Variants in SLC24A3 observed in about 807,000 individuals in gnomAD.
SLC24A3 encodes solute carrier family 24 member 3, also known as sodium/potassium/calcium exchanger 3.
SLC24A3 carries 28 observed loss-of-function variants against 75.8 expected under a neutral mutation model. The ratio of observed to expected loss-of-function variants is 0.37; its 90% CI spans 0.27 to 0.51. The LOEUF (loss-of-function observed/expected upper bound fraction) is 0.51, where lower values mean the gene tolerates loss of function less well. Ranked by LOEUF, SLC24A3 falls within the 20% of genes least tolerant of loss-of-function variation. The probability of loss-of-function intolerance (pLI) is 0.94; values close to 1 mark genes in which losing one functional copy is unlikely to be tolerated. For missense variants in SLC24A3, 663 were observed against 847.8 expected (o/e 0.78, Z 2.71); for synonymous variants, 372 against 334.1 (o/e 1.11, Z -1.24).
At chr20:19,385,161 CTGTA>C (rs986909639) in intron 2 of SLC24A3, among the ~76,000 whole-genome samples, 1 of 152,110 alleles carries the variant, frequency 6.6e-6, no homozygotes, top group African/African-American at 2.4e-5. Flanking sequence ...TCCCATTTGT[CTGTA>C]TTTACTATTG....
At chr20:19,367,222 G>A (rs886402184) in intron 2 of SLC24A3, among the ~76,000 whole-genome samples, 1 of 152,356 alleles carries the variant, frequency 6.6e-6, no homozygotes, top group South Asian at 2.1e-4. Flanking sequence ...AAGTGGAGTT[G>A]CCTGAGCAAT....
intron 2 of SLC24A3, among the ~76,000 whole-genome samples, chr20:19,487,500 C>A (rs75878515): frequency 0.1 from 15,160 of 152,108 alleles, 810 homozygotes; most frequent in Admixed American, 0.1. Context: ...TAGCAAAATG[C>A]CTTTTGCCTG....
intron 1 of SLC24A3, among the ~76,000 whole-genome samples, chr20:19,226,365 A>T (rs1981870215): frequency 6.6e-6 from 1 of 152,124 alleles, no homozygotes; most frequent in Admixed American, 6.5e-5. Context: ...CAAGATACGG[A>T]CCTGTAATTT....
At chr20:19,710,937 C>T (rs2032980212) in intron 15 of SLC24A3, among the ~76,000 whole-genome samples, 4 of 152,234 alleles carry the variant, frequency 2.6e-5, no homozygotes, top group Admixed American at 2.0e-4. Flanking sequence ...TTGCGGAGAT[C>T]GGCTTAAAGC....
At chr20:19,719,456 A>C (rs1246798630) in intron 16 of SLC24A3, among the ~76,000 whole-genome samples, 1 of 152,048 alleles carries the variant, frequency 6.6e-6, no homozygotes, top group African/African-American at 2.4e-5. Context: ...GATCTGGGGC[A>C]TGCAGGGTGG....
At chr20:19,499,184 A>G (rs1410101144) in intron 2 of SLC24A3, among the ~76,000 whole-genome samples, 1 of 152,248 alleles carries the variant, frequency 6.6e-6, no homozygotes, top group Non-Finnish European at 1.5e-5. Flanking sequence ...TAACAATAAA[A>G]TGTTACAGTT....
chr20:19,577,992 T>TCC (rs2031165106), intron 3 of SLC24A3, among the ~76,000 whole-genome samples: 2 of 152,208 alleles, frequency 1.3e-5, no homozygotes, highest in Non-Finnish European at 2.9e-5. Context: ...CTTACGATCT[T>TCC]ATGGAAGAGA....
intron 2 of SLC24A3, among the ~76,000 whole-genome samples, chr20:19,312,386 T>C (rs978587368): frequency 2.0e-5 from 3 of 152,186 alleles, no homozygotes; most frequent in Non-Finnish European, 4.4e-5. Context: ...TATATTTATA[T>C]AGTTGATTTT....
chr20:19,685,043 G>T lies in SLC24A3; in HGVS notation c.1063-57G>T, dbSNP rs766334183. On this transcript the variant is annotated intron_variant, in intron 11 of 16. Transcript: ENST00000328041. Reference sequence around the variant, plus strand: ...AAGATCCCAACAGCTCATGTTCTGAGTGTAAGGTATTTGCAATCCCTCTGA... The same window carrying T: ...AAGATCCCAACAGCTCATGTTCTGATTGTAAGGTATTTGCAATCCCTCTGA... 7 of 1,539,682 alleles carry T rather than the reference G, an allele frequency of 4.5e-6. No individual in the cohort carries two copies. In the East Asian group the frequency reaches 1.4e-4, roughly 30 times the overall value.
At chr20:19,530,980 A>T (rs2030287213) in intron 3 of SLC24A3, among the ~76,000 whole-genome samples, 1 of 152,186 alleles carries the variant, frequency 6.6e-6, no homozygotes, top group Admixed American at 6.5e-5. Flanking sequence ...TATCATAAAT[A>T]AGAGCCATTG....
At chr20:19,601,693 C>T (rs1000293053) in intron 6 of SLC24A3, among the ~76,000 whole-genome samples, 15 of 152,114 alleles carry the variant, frequency 9.9e-5, no homozygotes, top group African/African-American at 2.4e-4. Flanking sequence ...TGCTACAAGC[C>T]GGGAATGTGA....
intron 2 of SLC24A3, among the ~76,000 whole-genome samples, chr20:19,346,892 TA>T (rs1477781803): frequency 1.3e-5 from 2 of 152,120 alleles, no homozygotes; most frequent in African/African-American, 4.8e-5. Context: ...GATCACTGTT[TA>T]AACACACAAA....
intron 8 of SLC24A3, among the ~76,000 whole-genome samples, chr20:19,666,371 T>C (rs2032399638): frequency 6.6e-6 from 1 of 151,970 alleles, no homozygotes; most frequent in South Asian, 2.1e-4. Flanking sequence ...CCGGGCATGG[T>C]GGTAGGCACC....
chr20:19,666,507 C>A (rs903991782), intron 8 of SLC24A3, among the ~76,000 whole-genome samples: 6 of 151,756 alleles, frequency 4.0e-5, no homozygotes, highest in African/African-American at 1.5e-4. Flanking sequence ...CTCCATCCCC[C>A]ACCCCCCAAA....
At chr20:19,619,691 ATT>A (rs1428378647) in intron 6 of SLC24A3, among the ~76,000 whole-genome samples, 1 of 152,172 alleles carries the variant, frequency 6.6e-6, no homozygotes, top group East Asian at 1.9e-4. Flanking sequence ...CCTTTGGTGC[ATT>A]GGGTTGTAGA....
chr20:19,364,729 A>G (rs1223955535), intron 2 of SLC24A3, among the ~76,000 whole-genome samples: 3 of 152,100 alleles, frequency 2.0e-5, no homozygotes, highest in African/African-American at 7.2e-5. Context: ...TGCTGGGATT[A>G]CAGGCATGAG....
intron 3 of SLC24A3, among the ~76,000 whole-genome samples, chr20:19,551,266 G>A (rs2122599176): frequency 6.6e-6 from 1 of 152,324 alleles, no homozygotes; most frequent in South Asian, 2.1e-4. Flanking sequence ...AGGTGAAGAT[G>A]AGAATGGAAT....
At chr20:19,443,232 T>C (rs903137870) in intron 2 of SLC24A3, among the ~76,000 whole-genome samples, 1 of 152,190 alleles carries the variant, frequency 6.6e-6, no homozygotes, top group South Asian at 2.1e-4. Flanking sequence ...TGCTATGATA[T>C]TGATTTTAGA....
chr20:19,701,591 G>T (rs947181009), intron 15 of SLC24A3, among the ~76,000 whole-genome samples: 4 of 152,106 alleles, frequency 2.6e-5, no homozygotes, highest in African/African-American at 7.2e-5. Context: ...TCAGTCATAC[G>T]TGACAAGGAT....
Sources: gnomAD v4.1 joint callset for allele counts (sites outside exome capture counted in the v4.1 genomes callset) on GRCh38, gnomAD v4.1.1 for gene constraint, MANE v1.5 for transcripts, NCBI Gene and HGNC (gene_info 2026-07-23, HGNC 2026-07-21) for gene names.